The following SGPP2 variants were observed in gnomAD, a reference collection of about 807,000 sequenced individuals.
SGPP2 encodes the protein sphingosine-1-phosphate phosphatase 2.
In SGPP2, 30 loss-of-function variants were observed where a neutral mutation model predicts 33.9. That is an observed-to-expected ratio of 0.89 (90% CI 0.66 to 1.20). SGPP2 has a LOEUF of 1.20. Ranked by LOEUF, SGPP2 falls within the 50% of genes most tolerant of loss-of-function variation. SGPP2 has a pLI of 0.00. For missense variants in SGPP2, 458 were observed against 532.1 expected (o/e 0.86, Z 1.37); for synonymous variants, 233 against 225.0 (o/e 1.04, Z -0.32).
intron 1 of SGPP2, among the ~76,000 whole-genome samples, chr2:222,449,021 G>A (rs1033326364): frequency 3.9e-5 from 6 of 152,196 alleles, no homozygotes; most frequent in Admixed American, 6.5e-5. Flanking sequence ...TTTCCTGACC[G>A]TGAAGGTTGC....
At chr2:222,482,992 TTA>T (rs1260003946) in intron 2 of SGPP2, among the ~76,000 whole-genome samples, 1 of 152,026 alleles carries the variant, frequency 6.6e-6, no homozygotes, top group Non-Finnish European at 1.5e-5. Flanking sequence ...TGACTCTTCA[TTA>T]TATGTTTGTT....
intron 4 of SGPP2, among the ~76,000 whole-genome samples, chr2:222,554,726 G>C (rs2106157478): frequency 6.6e-6 from 1 of 152,288 alleles, no homozygotes; most frequent in South Asian, 2.1e-4. Flanking sequence ...AGGTGGAGAA[G>C]GGAGCAACTA....
At chr2:222,532,281 GA>G (rs1236576918) in intron 4 of SGPP2, among the ~76,000 whole-genome samples, 2 of 148,166 alleles carry the variant, frequency 1.3e-5, no homozygotes, top group African/African-American at 5.0e-5. Flanking sequence ...TCTCAAAAAA[GA>G]AAAAAAAGAA....
intron 2 of SGPP2, among the ~76,000 whole-genome samples, chr2:222,495,959 A>G (rs140673702): frequency 6.6e-6 from 1 of 152,182 alleles, no homozygotes; most frequent in East Asian, 1.9e-4. Flanking sequence ...TCACTTCCCC[A>G]CATCCAGTTC....
chr2:222,444,791 C>A lies in SGPP2; in HGVS notation c.219+19970C>A, dbSNP rs140840922. ...ACTAGGTGCAGCAGAAGATCTCAGG[C>A]TTTAGAAAACAATACATTGCAGCTT... is the stretch of plus-strand genomic sequence containing the variant. On this transcript the variant is annotated intron_variant, in intron 1 of 4. Coordinates refer to ENST00000321276, the MANE Select transcript of SGPP2 (RefSeq NM_152386.4). Among the ~76,000 whole-genome samples the A allele has an allele frequency of 9.0e-3, 1,372 of 152,148 alleles. 19 individuals carry two copies. The highest frequency in any genetic ancestry group is 0.014 in the Non-Finnish European group (926 of 67,980).
intron 2 of SGPP2, among the ~76,000 whole-genome samples, chr2:222,483,477 G>C (rs1446938922): frequency 2.0e-5 from 3 of 152,128 alleles, no homozygotes; most frequent in Non-Finnish European, 4.4e-5. Context: ...ATTATCAGCA[G>C]CTAGCTAGCT....
chr2:222,512,863 T>C (rs972510345), intron 2 of SGPP2, among the ~76,000 whole-genome samples: 2 of 152,258 alleles, frequency 1.3e-5, no homozygotes, highest in African/African-American at 4.8e-5. Flanking sequence ...ACAGTTTATT[T>C]ATTCATTTAC....
At position 222,558,597 on chromosome 2, in the gene SGPP2, TATCC is replaced by T. The variant is rs773037149; in HGVS notation, c.901_904del (p.Lys302ProfsTer19). 5.0e-6 allele frequency: 8 copies of T among 1,614,202 alleles called. No homozygotes were observed. In the East Asian group the frequency reaches 1.3e-4, roughly 27 times the overall value. ...TGGATCAACCATTTCTTCCAGCTTG[TATCC>T]AAGCCCGCTGAATCTCTCCCTGTTA... On this transcript the variant is annotated frameshift_variant, in exon 5 of 5. Coordinates refer to ENST00000321276, the MANE Select transcript of SGPP2 (RefSeq NM_152386.4). LOFTEE classifies it high-confidence loss of function.
chr2:222,556,162 T>G (rs1689395611), intron 4 of SGPP2, among the ~76,000 whole-genome samples: 1 of 152,142 alleles, frequency 6.6e-6, no homozygotes, highest in Non-Finnish European at 1.5e-5. Context: ...CACATTAAGT[T>G]GAGAGACTGG....
chr2:222,510,969 G>C (rs1698517774), intron 2 of SGPP2, among the ~76,000 whole-genome samples: 1 of 152,150 alleles, frequency 6.6e-6, no homozygotes. Context: ...CCTGTGGCTG[G>C]TTTACTAGTA....
intron 2 of SGPP2, among the ~76,000 whole-genome samples, chr2:222,488,278 C>T (rs530465148): frequency 6.6e-6 from 1 of 152,256 alleles, no homozygotes; most frequent in South Asian, 2.1e-4. Context: ...GTACTGTAGC[C>T]TGTTAGGAAC....
intron 1 of SGPP2, among the ~76,000 whole-genome samples, chr2:222,442,180 A>G (rs1210543547): frequency 6.6e-6 from 1 of 151,864 alleles, no homozygotes. Context: ...TGAATGTTAT[A>G]TCTCCTCTTC....
intron 1 of SGPP2, among the ~76,000 whole-genome samples, chr2:222,458,904 T>C (rs1007968082): frequency 6.6e-6 from 1 of 152,152 alleles, no homozygotes; most frequent in Non-Finnish European, 1.5e-5. Context: ...CATGTGTACA[T>C]ATTAAGTAGG....
At position 222,477,706 on chromosome 2, in the gene SGPP2, C is replaced by G. The variant is rs1295719257; in HGVS notation, c.378+2980C>G. On this transcript the variant is annotated intron_variant, in intron 2 of 4. Coordinates refer to ENST00000321276, the MANE Select transcript of SGPP2 (RefSeq NM_152386.4). This position sits in a 1 kb window ranked among gnomAD's most constrained non-coding sequence, Gnocchi z 6.0. ...TATAATGTGTTTGATCTGCTCATGGCCAATTATCTCCCCCACTGAGGGTGG... is the reference window on the plus strand; with the variant it reads ...TATAATGTGTTTGATCTGCTCATGGGCAATTATCTCCCCCACTGAGGGTGG... Among the ~76,000 whole-genome samples the G allele has an allele frequency of 6.6e-6, 1 of 151,912 alleles. No homozygotes were observed. Among genetic ancestry groups the G allele is most frequent in the Non-Finnish European group, 1.5e-5 (1 of 67,988 alleles).
At chr2:222,551,742 GAATTC>G (rs886252298) in intron 4 of SGPP2, among the ~76,000 whole-genome samples, 5 of 152,144 alleles carry the variant, frequency 3.3e-5, no homozygotes, top group Non-Finnish European at 5.9e-5. Context: ...AAGATGAACA[GAATTC>G]ATTTATAAAA....
chr2:222,477,175 A>G lies in SGPP2; in HGVS notation c.378+2449A>G, dbSNP rs533682906. ...TCTGTGTGTGTGTATAGGTGTGTGT[A>G]TATGTGTATGTGTGTATATATGTGT... On this transcript the variant is annotated intron_variant, in intron 2 of 4. Coordinates refer to ENST00000321276, the MANE Select transcript of SGPP2 (RefSeq NM_152386.4). The surrounding 1 kb of genome is among the most constrained non-coding windows in gnomAD (Gnocchi z 6.0). Among the ~76,000 whole-genome samples, 5 of 148,062 alleles carry G rather than the reference A, an allele frequency of 3.4e-5. No homozygotes were observed. The East Asian group carries it at 1.0e-3, about 30-fold the overall frequency.
At chr2:222,552,732 T>C (rs535392048) in intron 4 of SGPP2, among the ~76,000 whole-genome samples, 24 of 152,200 alleles carry the variant, frequency 1.6e-4, no homozygotes, top group African/African-American at 5.8e-4. Context: ...TGGTGGTGCA[T>C]GCCTGAAATC....
intron 1 of SGPP2, among the ~76,000 whole-genome samples, chr2:222,434,975 TACACACAC>T (rs71053082): frequency 0.72 from 105,453 of 145,982 alleles, 38,346 homozygotes; most frequent in Middle Eastern, 0.81. Flanking sequence ...TGGAGATATA[TACACACAC>T]ACACACACAC....
At chr2:222,473,924 C>CAAAAAAAAAA (rs59649395) in intron 1 of SGPP2, among the ~76,000 whole-genome samples, 3,926 of 126,802 alleles carry the variant, frequency 0.031, 278 homozygotes, top group African/African-American at 0.12. Flanking sequence ...AACTCTGTCT[C>CAAAAAAAAAA]AAAAAAAAAA....
Sources: allele counts gnomAD v4.1 joint callset (sites outside exome capture counted in the v4.1 genomes callset), GRCh38; gene constraint gnomAD v4.1.1; non-coding constraint Gnocchi (gnomAD v3.1); transcripts MANE v1.5; gene names NCBI Gene and HGNC (gene_info 2026-07-23, HGNC 2026-07-21).